NRXN1: variants seen among roughly 807,000 people sequenced by gnomAD.
NRXN1 encodes the protein neurexin-1.
Under a neutral mutation model 150.9 loss-of-function variants are expected in NRXN1, and 39 were observed. The observed-to-expected ratio is 0.26, with a 90% confidence interval of 0.20 to 0.34. NRXN1 has a LOEUF of 0.34. Among genes scored for constraint, NRXN1 ranks in the 10% least tolerant of loss-of-function variants. The pLI is 1.00. For synonymous variants in NRXN1, 924 were observed against 757.0 expected, an observed-to-expected ratio of 1.22 and a Z score of -3.62; for missense variants, 1,815 against 1,949.9, an observed-to-expected ratio of 0.93 and a Z score of 1.30.
chr2:50,916,050 A>G (rs1158713652), intron 5 of NRXN1, among the ~76,000 whole-genome samples: 1 of 145,462 alleles, frequency 6.9e-6, no homozygotes, highest in Non-Finnish European at 1.5e-5. Context: ...CCGGCATTCT[A>G]GATAAAAATC....
At chr2:50,075,785 T>C (rs769280333) in intron 19 of NRXN1, among the ~76,000 whole-genome samples, 2 of 94,774 alleles carry the variant, frequency 2.1e-5, no homozygotes, top group Non-Finnish European at 4.1e-5. Flanking sequence ...CCCAACGTGC[T>C]TGGTGACAAA....
chr2:50,773,461 T>C (rs1047698495), intron 5 of NRXN1, among the ~76,000 whole-genome samples: 2 of 152,126 alleles, frequency 1.3e-5, no homozygotes, highest in Non-Finnish European at 2.9e-5. Context: ...AGCTGCCAGA[T>C]AGAAGGCCTG....
intron 5 of NRXN1, among the ~76,000 whole-genome samples, chr2:50,881,896 GT>G (rs956102562): frequency 2.6e-5 from 4 of 151,434 alleles, no homozygotes; most frequent in African/African-American, 9.7e-5. Context: ...AGAACATACT[GT>G]TTTTTTAAAA....
chr2:50,814,954 C>T (rs1185438848), intron 5 of NRXN1, among the ~76,000 whole-genome samples: 3 of 151,462 alleles, frequency 2.0e-5, no homozygotes, highest in East Asian at 1.9e-4. Context: ...TCTGATTCTA[C>T]GACATAGAAT....
At chr2:50,625,564 A>G (rs796385944) in intron 5 of NRXN1, among the ~76,000 whole-genome samples, 15 of 152,190 alleles carry the variant, frequency 9.9e-5, no homozygotes, top group African/African-American at 3.6e-4. Context: ...CCTGTCTCGG[A>G]AAGTTATAGT....
intron 12 of NRXN1, among the ~76,000 whole-genome samples, chr2:50,519,801 A>G (rs949962503): frequency 6.6e-6 from 1 of 151,964 alleles, no homozygotes; most frequent in Non-Finnish European, 1.5e-5. Context: ...GAAAACTGAG[A>G]TCACTGAAGA....
chr2:50,651,307 A>G (rs1406768097), intron 5 of NRXN1, among the ~76,000 whole-genome samples: 1 of 151,988 alleles, frequency 6.6e-6, no homozygotes, highest in Non-Finnish European at 1.5e-5. Context: ...TTCTAAAGAA[A>G]AAGTATCTCT....
intron 17 of NRXN1, among the ~76,000 whole-genome samples, chr2:50,299,532 T>C (rs1226603596): frequency 6.6e-6 from 1 of 152,140 alleles, no homozygotes; most frequent in African/African-American, 2.4e-5. Flanking sequence ...ATGTGTTTTT[T>C]CTCACTGCTT....
chr2:50,325,139 G>A (rs187395634), intron 17 of NRXN1, among the ~76,000 whole-genome samples: 298 of 152,304 alleles, frequency 2.0e-3, no homozygotes, highest in African/African-American at 6.8e-3. Context: ...AGAACAGGAA[G>A]AAGAAACTGA....
At chr2:50,544,318 A>G (rs933125434) in intron 9 of NRXN1, among the ~76,000 whole-genome samples, 1 of 152,094 alleles carries the variant, frequency 6.6e-6, no homozygotes, top group Non-Finnish European at 1.5e-5. Context: ...TTTAAAAAAG[A>G]ACCAACATAT....
chr2:50,424,144 G>T (rs1374822055), intron 17 of NRXN1, among the ~76,000 whole-genome samples: 1 of 111,990 alleles, frequency 8.9e-6, no homozygotes, highest in Non-Finnish European at 1.9e-5. Context: ...GGAGGAGGAG[G>T]GGGGGAGGAG....
intron 17 of NRXN1, among the ~76,000 whole-genome samples, chr2:50,394,845 C>T (rs1332175947): frequency 2.6e-5 from 4 of 152,016 alleles, no homozygotes; most frequent in Non-Finnish European, 5.9e-5. Flanking sequence ...TACTCTTTTT[C>T]CTTCCTGCTC....
chr2:50,422,038 C>G (rs1036453507), intron 17 of NRXN1, among the ~76,000 whole-genome samples: 1 of 152,126 alleles, frequency 6.6e-6, no homozygotes, highest in African/African-American at 2.4e-5. Context: ...TGAATTATCT[C>G]TGACCTAACA....
Position 50,019,962 on chromosome 2 carries a change from AAAAAAAAAAAAGAGAG to A in NRXN1, c.4128+33293_4128+33308del, listed in dbSNP as rs1210372222. Among the ~76,000 whole-genome samples the A allele has an allele frequency of 9.1e-4, 122 of 133,480 alleles. 12 individuals are homozygous for A. The South Asian group carries it at 0.023, about 25-fold the overall frequency. The allele number at this position is 133,480 out of a possible 152,430, so 87.6% of individuals were successfully genotyped here. A position where few individuals can be genotyped will look rare whatever the true frequency, so the allele number is the denominator to read the frequency against. On this transcript the variant is annotated intron_variant, in intron 21 of 22. Coordinates refer to ENST00000401669, the MANE Select transcript of NRXN1 (RefSeq NM_001330078.2). ...GACTCCGTCTCAAAAAAAAAAAAAAAAAAAAAAAAAAGAGAGAGAGAGAGACCTAGGGAGCTACGTC... is the reference window on the plus strand; with the variant it reads ...GACTCCGTCTCAAAAAAAAAAAAAAAAGAGAGAGACCTAGGGAGCTACGTC...
At chr2:51,015,123 C>T (rs1215883602) in intron 2 of NRXN1, among the ~76,000 whole-genome samples, 1 of 152,072 alleles carries the variant, frequency 6.6e-6, no homozygotes, top group Non-Finnish European at 1.5e-5. Context: ...TTTAAACCAA[C>T]AGTTCTCAAT....
At chr2:50,978,308 A>AT (rs1696244941) in intron 2 of NRXN1, among the ~76,000 whole-genome samples, 28 of 120,946 alleles carry the variant, frequency 2.3e-4, no homozygotes, top group African/African-American at 5.4e-4. Context: ...ATATATATAA[A>AT]ATATATATAT....
intron 15 of NRXN1, among the ~76,000 whole-genome samples, chr2:50,494,979 C>A (rs553922428): frequency 6.7e-6 from 1 of 149,268 alleles, no homozygotes; most frequent in Non-Finnish European, 1.5e-5. Context: ...TGAAGTGAGC[C>A]GAGATCGTGC....
At chr2:50,272,129 C>T (rs753955618) in intron 17 of NRXN1, among the ~76,000 whole-genome samples, 5 of 152,192 alleles carry the variant, frequency 3.3e-5, no homozygotes, top group African/African-American at 7.2e-5. Flanking sequence ...TCAGAGAACA[C>T]ACAGGCTGGC....
At chr2:50,389,686 A>T (rs565254533) in intron 17 of NRXN1, among the ~76,000 whole-genome samples, 1 of 152,216 alleles carries the variant, frequency 6.6e-6, no homozygotes, top group Admixed American at 6.6e-5. Context: ...TTAAGTTAAT[A>T]AATTGCTATT....
Sources: gnomAD v4.1 joint callset for allele counts (sites outside exome capture counted in the v4.1 genomes callset) on GRCh38, gnomAD v4.1.1 for gene constraint, MANE v1.5 for transcripts, NCBI Gene and HGNC (gene_info 2026-07-23, HGNC 2026-07-21) for gene names.